Variants in GPHN observed in about 807,000 individuals in gnomAD.
GPHN encodes gephyrin.
A neutral mutation model predicts 95.5 loss-of-function variants in GPHN; 17 were observed. That is an observed-to-expected ratio of 0.18 (90% confidence interval 0.12 to 0.27). The LOEUF is 0.27. Ranked by LOEUF, GPHN falls within the 10% of genes least tolerant of loss-of-function variation. The probability of loss-of-function intolerance (pLI) is 1.00; values close to 1 mark genes in which losing one functional copy is unlikely to be tolerated. For missense variants in GPHN, 660 were observed against 978.1 expected (o/e 0.67, Z 4.34); for synonymous variants, 320 against 322.5 (o/e 0.99, Z 0.08).
At chr14:67,053,892 G>A (rs1008987847) in intron 10 of GPHN, among the ~76,000 whole-genome samples, 2 of 152,096 alleles carry the variant, frequency 1.3e-5, no homozygotes, top group Admixed American at 1.3e-4. Context: ...CACAGAAAAG[G>A]CCTTTGATAA....
downstream of GPHN, among the ~76,000 whole-genome samples, chr14:67,183,414 A>G (rs1436206190): frequency 1.3e-5 from 2 of 152,174 alleles, no homozygotes; most frequent in African/African-American, 4.8e-5. Flanking sequence ...TCACAACCCT[A>G]TAAGCATTGT....
chr14:67,103,511 CTTTTTTTTTT>C, intron 13 of GPHN, among the ~76,000 whole-genome samples: 2 of 53,396 alleles, frequency 3.7e-5, no homozygotes, highest in South Asian at 7.3e-4. Context: ...GTTTCTTTCT[CTTTTTTTTTT>C]TTTTTTTTTT....
the GPHN span, among the ~76,000 whole-genome samples, chr14:67,459,713 C>T: frequency 4.6e-5 from 7 of 152,358 alleles, no homozygotes; most frequent in Admixed American, 3.9e-4. Context: ...AGCACACACG[C>T]TGTTCCTCAC....
the GPHN span, among the ~76,000 whole-genome samples, chr14:67,304,995 C>T: frequency 5.9e-5 from 9 of 152,096 alleles, no homozygotes; most frequent in East Asian, 1.9e-4. Flanking sequence ...ACAGAACATA[C>T]GGAAGTTGAT....
At chr14:66,658,411 C>G (rs562277562) in intron 1 of GPHN, among the ~76,000 whole-genome samples, 1 of 152,004 alleles carries the variant, frequency 6.6e-6, no homozygotes, top group African/African-American at 2.4e-5. Flanking sequence ...ATTGACTCTT[C>G]CAATTTTGAA....
the GPHN span, among the ~76,000 whole-genome samples, chr14:67,604,252 T>A: frequency 6.6e-6 from 1 of 152,256 alleles, no homozygotes; most frequent in African/African-American, 2.4e-5. Context: ...TTGAGGTATA[T>A]CCTCCAAGCA....
At chr14:67,412,716 C>T in the GPHN span, among the ~76,000 whole-genome samples, 1 of 152,098 alleles carries the variant, frequency 6.6e-6, no homozygotes, top group Non-Finnish European at 1.5e-5. Flanking sequence ...CCAAGGAGTC[C>T]AGTAACCTAG....
At chr14:67,234,709 C>T in the GPHN span, among the ~76,000 whole-genome samples, 1 of 152,016 alleles carries the variant, frequency 6.6e-6, no homozygotes, top group Non-Finnish European at 1.5e-5. Flanking sequence ...ACTACCAAGC[C>T]TAGCTAATTT....
chr14:67,579,032 C>T, the GPHN span: 2 of 770,804 alleles, frequency 2.6e-6, no homozygotes, highest in South Asian at 3.2e-5. Flanking sequence ...CAACCTGCCC[C>T]AGCTACAGTT....
intron 2 of GPHN, among the ~76,000 whole-genome samples, chr14:66,701,923 C>G (rs2068592696): frequency 6.6e-6 from 1 of 152,184 alleles, no homozygotes; most frequent in Admixed American, 6.5e-5. Flanking sequence ...TGGCATCCAT[C>G]TCTATAGCTC....
intron 9 of GPHN, among the ~76,000 whole-genome samples, chr14:67,013,011 C>A (rs747870655): frequency 2.0e-5 from 3 of 152,036 alleles, no homozygotes; most frequent in Non-Finnish European, 4.4e-5. Flanking sequence ...CATCTGTCTA[C>A]TACTATTAGA....
At chr14:66,909,918 C>T (rs1056395896) in intron 5 of GPHN, among the ~76,000 whole-genome samples, 3 of 151,906 alleles carry the variant, frequency 2.0e-5, no homozygotes, top group African/African-American at 7.2e-5. Context: ...ACATCAGTTG[C>T]TGTCCTATAA....
chr14:67,070,280 A>G (rs542419399), intron 11 of GPHN, among the ~76,000 whole-genome samples: 20 of 150,128 alleles, frequency 1.3e-4, no homozygotes, highest in African/African-American at 4.9e-4. Flanking sequence ...ATATGTGTGT[A>G]TATATATGTT....
chr14:67,360,330 G>T, the GPHN span: 3 of 397,902 alleles, frequency 7.5e-6, no homozygotes, highest in African/African-American at 2.1e-5. Flanking sequence ...GGTTCCGCAT[G>T]CGCGGTGGAG....
chr14:66,720,661 G>T (rs1306492264), intron 2 of GPHN, among the ~76,000 whole-genome samples: 1 of 152,146 alleles, frequency 6.6e-6, no homozygotes, highest in Admixed American at 6.5e-5. Context: ...GATTCTGGAG[G>T]AATCAAGTAG....
rs934090536 is a variant in GPHN at position 66,619,946 on chromosome 14, C to T, written c.65-61161C>T. Among the ~76,000 whole-genome samples the T allele has an allele frequency of 1.3e-5, 2 of 152,118 alleles. 1 individual carries two copies. Among genetic ancestry groups the T allele is most frequent in the Non-Finnish European group, 2.9e-5 (2 of 68,022 alleles). ...GCTTTATGGAAGAAGTACAAGGACC[C>T]TTACGGGCCAGGTTAGGAGATGTAA... On this transcript the variant is annotated intron_variant, in intron 1 of 22. Transcript: ENST00000478722.
chr14:66,640,560 C>T (rs1460526213), intron 1 of GPHN, among the ~76,000 whole-genome samples: 1 of 152,034 alleles, frequency 6.6e-6, no homozygotes, highest in Non-Finnish European at 1.5e-5. Context: ...TTTAACTATA[C>T]CACTCTCTTA....
chr14:67,251,312 C>T, the GPHN span, among the ~76,000 whole-genome samples: 163 of 152,224 alleles, frequency 1.1e-3, no homozygotes, highest in African/African-American at 3.7e-3. Flanking sequence ...GCAGGAGGAC[C>T]GCTTGAGCCC....
the GPHN span, chr14:67,359,835 A>T: frequency 1.1e-6 from 1 of 934,680 alleles, no homozygotes; most frequent in Non-Finnish European, 1.6e-6. Context: ...GCTAAGAGGC[A>T]GCAGGGACAC....
Sources: gnomAD v4.1 joint callset for allele counts (sites outside exome capture counted in the v4.1 genomes callset) on GRCh38, gnomAD v4.1.1 for gene constraint, MANE v1.5 for transcripts, NCBI Gene and HGNC (gene_info 2026-07-23, HGNC 2026-07-21) for gene names.